The following KRAS variants were observed in gnomAD, a reference collection of about 807,000 sequenced individuals.
KRAS encodes GTPase KRas.
Under a neutral mutation model 21.0 loss-of-function variants are expected in KRAS, and 1 was observed. The observed-to-expected ratio is 0.05, with a 90% CI of 0.02 to 0.23. The LOEUF (loss-of-function observed/expected upper bound fraction) is 0.23, where lower values mean the gene tolerates loss of function less well. KRAS is among the 10% of genes least tolerant of loss of function. The pLI, the probability that KRAS is intolerant of heterozygous loss-of-function variation, is 1.00. For synonymous variants in KRAS, 67 were observed against 72.5 expected (o/e 0.92, Z 0.39); for missense variants, 107 against 221.8 (o/e 0.48, Z 3.29).
chr12:25,239,703 A>G (rs1161948229), intron 2 of KRAS, among the ~76,000 whole-genome samples: 1 of 152,178 alleles, frequency 6.6e-6, no homozygotes. Context: ...AAAACGGTCT[A>G]GAAGCAGTGA....
rs1951137819 is a variant in KRAS, at chr12:25,206,311, T to G, written c.*3484A>C. 2 of 207,274 alleles carry G rather than the reference T, an allele frequency of 9.6e-6. No individual in the cohort carries two copies. Among genetic ancestry groups the G allele is most frequent in the Non-Finnish European group, 2.0e-5 (2 of 101,678 alleles). 12.8% of individuals were successfully genotyped at this position (207,274 alleles called of 1,614,324 possible). A position where few individuals can be genotyped will look rare whatever the true frequency, so the allele number is the denominator to read the frequency against. On this transcript the variant is annotated 3_prime_UTR_variant, in exon 5 of 5. Coordinates refer to ENST00000311936, the MANE Select transcript of KRAS (RefSeq NM_004985.5). ...AGCCTAGAATGCCTACTTGGGAACA[T>G]TCACTCAAATGATACAATATACGTC...
chr12:25,235,431 T>C (rs952725869), intron 2 of KRAS, among the ~76,000 whole-genome samples: 13 of 152,310 alleles, frequency 8.5e-5, no homozygotes, highest in African/African-American at 2.9e-4. Context: ...GATGAGTTCA[T>C]TCCCATCTAC....
chr12:25,249,846 T>C (rs771477621), intron 1 of KRAS, among the ~76,000 whole-genome samples: 1 of 152,174 alleles, frequency 6.6e-6, no homozygotes, highest in Non-Finnish European at 1.5e-5. Context: ...ATTTTTGCTA[T>C]TGCTGTCTAC....
At chr12:25,244,391 G>C (rs1373285512) in intron 2 of KRAS, among the ~76,000 whole-genome samples, 1 of 152,158 alleles carries the variant, frequency 6.6e-6, no homozygotes. Context: ...CTCCACTGAT[G>C]TTAAATTTAA....
rs1951152898 is a variant in KRAS at position 25,207,610 on chromosome 12, G to A, written c.*2185C>T. 1 of 230,682 alleles carries A rather than the reference G, an allele frequency of 4.3e-6. No homozygotes were observed. The highest frequency in any genetic ancestry group is 8.6e-6 in the Non-Finnish European group (1 of 116,638). 14.3% of individuals were successfully genotyped at this position (230,682 alleles called of 1,614,324 possible). On this transcript the variant is annotated 3_prime_UTR_variant, in exon 5 of 5. Coordinates refer to ENST00000311936, the MANE Select transcript of KRAS (RefSeq NM_004985.5). ...ATGGAATGTATTACTGTTACCAGGA[G>A]TAGTCCTAGTTATAGATTACCTAAG...
intron 2 of KRAS, among the ~76,000 whole-genome samples, chr12:25,237,143 A>C (rs1951554044): frequency 6.6e-6 from 1 of 152,202 alleles, no homozygotes; most frequent in Admixed American, 6.5e-5. Context: ...TGCCAGACAC[A>C]AAAGGCCACG....
rs745368409 is a variant in KRAS at position 25,207,924 on chromosome 12, T to C, written c.*1871A>G. The C allele has an allele frequency of 1.7e-5, 4 of 233,066 alleles. No homozygotes were observed. Among genetic ancestry groups the C allele is most frequent in the Admixed American group, 5.6e-5 (1 of 17,780 alleles). 14.4% of individuals were successfully genotyped at this position (233,066 alleles called of 1,614,324 possible). ...GCAGTAAATCTTATGGTTAGGGGAA[T>C]TACAAGTATTAAAACTGCATCAAGT... is the stretch of plus-strand genomic sequence containing the variant. On this transcript the variant is annotated 3_prime_UTR_variant, in exon 5 of 5. Transcript: ENST00000311936.
intron 3 of KRAS, 53 bp downstream of exon 3, chr12:25,227,181 A>G: frequency 7.2e-7 from 1 of 1,396,548 alleles, no homozygotes; most frequent in Non-Finnish European, 1.0e-6. Flanking sequence ...CTCAAAAAAT[A>G]AAAACTATAA....
At chr12:25,223,761 T>C (rs1951355816) in intron 4 of KRAS, among the ~76,000 whole-genome samples, 1 of 152,212 alleles carries the variant, frequency 6.6e-6, no homozygotes, top group African/African-American at 2.4e-5. Flanking sequence ...GATAAACTTC[T>C]AGAACGCTTG....
At chr12:25,226,953 G>A (rs1951401489) in intron 3 of KRAS, among the ~76,000 whole-genome samples, 1 of 151,826 alleles carries the variant, frequency 6.6e-6, no homozygotes. Context: ...AAAGTTTAAA[G>A]TCTTGCTTTT....
intron 2 of KRAS, among the ~76,000 whole-genome samples, chr12:25,237,419 C>T (rs932546335): frequency 2.6e-5 from 4 of 152,046 alleles, no homozygotes; most frequent in Middle Eastern, 3.4e-3. Flanking sequence ...CAGAGCTTAC[C>T]GACAGGGGAT....
In KRAS at chr12:25,225,742, C is replaced by A. The variant is rs763553461; in HGVS notation, c.322G>T (p.Asp108Tyr). 5 of 1,612,966 alleles carry A rather than the reference C, an allele frequency of 3.1e-6. No homozygotes were observed. Among genetic ancestry groups the A allele is most frequent in the Non-Finnish European group, 4.2e-6 (5 of 1,179,434 alleles). ...EQIKRVKDSE[D>Y]VPMVLVGNKC... ...TTTCCTACTAGGACCATAGGTACAT[C>A]TTCAGAGTCCTTAACTCTTTTAATT... The change falls in exon 4 of 5, where the codon GAT becomes TAT. Residue 108 changes from aspartate (D) to tyrosine (Y), a missense_variant. Transcript: ENST00000311936.
chr12:25,221,352 C>T (rs1242182292), intron 4 of KRAS, among the ~76,000 whole-genome samples: 1 of 151,806 alleles, frequency 6.6e-6, no homozygotes, highest in Non-Finnish European at 1.5e-5. Flanking sequence ...ACTGCCTCAG[C>T]CCCTTGAGTA....
At chr12:25,244,128 C>T (rs1030358827) in intron 2 of KRAS, among the ~76,000 whole-genome samples, 7 of 152,160 alleles carry the variant, frequency 4.6e-5, no homozygotes, top group African/African-American at 7.2e-5. Flanking sequence ...CTTGCCTCAG[C>T]GCAAAGTGTC....
chr12:25,226,485 C>A (rs1437274825), intron 3 of KRAS, among the ~76,000 whole-genome samples: 2 of 152,040 alleles, frequency 1.3e-5, no homozygotes, highest in Non-Finnish European at 2.9e-5. Flanking sequence ...TTTGGTAACT[C>A]CTCTATAAAA....
intron 1 of KRAS, among the ~76,000 whole-genome samples, chr12:25,247,832 G>T (rs909872772): frequency 6.6e-6 from 1 of 152,162 alleles, no homozygotes; most frequent in Non-Finnish European, 1.5e-5. Context: ...GAGATTTACT[G>T]AAGTGTGAAA....
chr12:25,240,174 A>G (rs951611053), intron 2 of KRAS, among the ~76,000 whole-genome samples: 17 of 152,194 alleles, frequency 1.1e-4, no homozygotes, highest in Non-Finnish European at 1.9e-4. Context: ...ACTAATTTCT[A>G]TATTAAGATC....
At chr12:25,230,995 GCA>G (rs1048551355) in intron 2 of KRAS, among the ~76,000 whole-genome samples, 2 of 150,698 alleles carry the variant, frequency 1.3e-5, no homozygotes, top group African/African-American at 2.4e-5. Context: ...TGGGAGCAAA[GCA>G]CAGAGTCTTA....
At chr12:25,221,346 C>T (rs957430901) in intron 4 of KRAS, among the ~76,000 whole-genome samples, 4 of 151,636 alleles carry the variant, frequency 2.6e-5, no homozygotes, top group Non-Finnish European at 5.9e-5. Flanking sequence ...AATTCTACTG[C>T]CTCAGCCCCT....
Sources: gnomAD v4.1 joint callset for allele counts (sites outside exome capture counted in the v4.1 genomes callset) on GRCh38, gnomAD v4.1.1 for gene constraint, MANE v1.5 for transcripts, NCBI Gene and HGNC (gene_info 2026-07-23, HGNC 2026-07-21) for gene names.